The following CDH4 variants were observed in gnomAD, a reference collection of about 807,000 sequenced individuals.
The protein encoded by CDH4 is cadherin-4.
CDH4 carries 33 observed loss-of-function variants against 86.0 expected under a neutral mutation model. The observed-to-expected ratio is 0.38, with a 90% CI of 0.29 to 0.51. The LOEUF (loss-of-function observed/expected upper bound fraction) is 0.51. Among genes scored for constraint, CDH4 ranks in the 20% least tolerant of loss-of-function variants. The pLI is 0.86. For synonymous variants in CDH4, 555 were observed against 549.4 expected (o/e 1.01, Z -0.14); for missense variants, 1,114 against 1,307.4 (o/e 0.85, Z 2.28).
At chr20:61,816,936 C>A (rs938736469) in intron 4 of CDH4, among the ~76,000 whole-genome samples, 1 of 152,218 alleles carries the variant, frequency 6.6e-6, no homozygotes, top group Non-Finnish European at 1.5e-5. Flanking sequence ...CAAGTTAATT[C>A]GATATCATGG....
intron 2 of CDH4, among the ~76,000 whole-genome samples, chr20:61,656,034 TG>T (rs1361095450): frequency 6.6e-6 from 1 of 152,164 alleles, no homozygotes; most frequent in Admixed American, 6.5e-5. Context: ...CACATCACCC[TG>T]GAGGAGTGAG....
intron 2 of CDH4, among the ~76,000 whole-genome samples, chr20:61,595,458 G>A (rs1356748713): frequency 2.0e-5 from 3 of 152,240 alleles, no homozygotes; most frequent in Non-Finnish European, 4.4e-5. Context: ...AACGCTGTCC[G>A]AGAAGTCCAT....
intron 4 of CDH4, among the ~76,000 whole-genome samples, chr20:61,822,214 A>C (rs1981080356): frequency 6.6e-6 from 1 of 152,242 alleles, no homozygotes; most frequent in Non-Finnish European, 1.5e-5. Context: ...TGCATAAAAA[A>C]CATCTCGATG....
At chr20:61,779,533 C>T (rs1978426182) in intron 4 of CDH4, among the ~76,000 whole-genome samples, 1 of 152,284 alleles carries the variant, frequency 6.6e-6, no homozygotes, top group Admixed American at 6.5e-5. Flanking sequence ...CAGCCCCCTA[C>T]ACCGAACAAC....
At chr20:61,850,858 G>A (rs1982686478) in intron 5 of CDH4, among the ~76,000 whole-genome samples, 1 of 152,254 alleles carries the variant, frequency 6.6e-6, no homozygotes, top group Non-Finnish European at 1.5e-5. Context: ...TCTTTTGGGG[G>A]TGAGGCAGGG....
intron 2 of CDH4, among the ~76,000 whole-genome samples, chr20:61,511,858 A>G (rs1481574477): frequency 6.6e-6 from 1 of 152,182 alleles, no homozygotes; most frequent in Non-Finnish European, 1.5e-5. Context: ...CTAAATTGTG[A>G]AACTCATTTT....
chr20:61,801,890 C>T (rs940987208), intron 4 of CDH4, among the ~76,000 whole-genome samples: 2 of 152,370 alleles, frequency 1.3e-5, no homozygotes, highest in Middle Eastern at 3.4e-3. Flanking sequence ...TCCTTCACTC[C>T]ATCACGTCTG....
In CDH4 at chr20:61,405,264, G is replaced by A. The variant is rs891255015; in HGVS notation, c.169+150327G>A. On this transcript the variant is annotated intron_variant, in intron 2 of 15. Transcript: ENST00000614565. Reference sequence around the variant, plus strand: ...TTTTTCTCCCACGCGCCGTTCTCGGGCAGTGATTCCGTAATCCCCCTCCTG... The same window carrying A: ...TTTTTCTCCCACGCGCCGTTCTCGGACAGTGATTCCGTAATCCCCCTCCTG... Among the ~76,000 whole-genome samples, 14 of 151,494 alleles carry A rather than the reference G, an allele frequency of 9.2e-5. No homozygotes were observed. In the Middle Eastern group the frequency reaches 0.014, roughly 147 times the overall value.
At chr20:61,935,945 A>G (rs1162756993) in intron 15 of CDH4, among the ~76,000 whole-genome samples, 1 of 152,168 alleles carries the variant, frequency 6.6e-6, no homozygotes, top group African/African-American at 2.4e-5. Context: ...GGAGAAATTA[A>G]AAATGAAAAC....
At chr20:61,922,146 C>T (rs537709777) in intron 9 of CDH4, among the ~76,000 whole-genome samples, 3 of 152,292 alleles carry the variant, frequency 2.0e-5, no homozygotes, top group East Asian at 3.9e-4. Flanking sequence ...CATATTGTCT[C>T]GACAGATACT....
chr20:61,602,688 C>T (rs1199645658), intron 2 of CDH4, among the ~76,000 whole-genome samples: 4 of 85,310 alleles, frequency 4.7e-5, no homozygotes, highest in Non-Finnish European at 8.6e-5. Context: ...TATACATTCA[C>T]TTTATTAAAA....
chr20:61,284,847 C>T (rs181918468), intron 2 of CDH4, among the ~76,000 whole-genome samples: 8 of 152,302 alleles, frequency 5.3e-5, no homozygotes, highest in Admixed American at 3.9e-4. Context: ...GGCCAGATGT[C>T]GGGACCCACT....
intron 6 of CDH4, among the ~76,000 whole-genome samples, chr20:61,861,579 C>T (rs1205631700): frequency 6.6e-6 from 1 of 152,136 alleles, no homozygotes; most frequent in African/African-American, 2.4e-5. Context: ...CACAGAAAAC[C>T]CAACCACAGA....
At position 61,710,125 on chromosome 20, in the gene CDH4, G is replaced by A. The variant is rs944250; in HGVS notation, c.170-33438G>A. Among the ~76,000 whole-genome samples, 1,078 of 152,130 alleles carry A rather than the reference G, an allele frequency of 7.1e-3. 10 individuals carry two copies. The highest frequency in any genetic ancestry group is 0.025 in the African/African-American group (1,035 of 41,488). On this transcript the variant is annotated intron_variant, in intron 2 of 15. Transcript: ENST00000614565. The stretch of plus-strand genomic sequence containing the variant: ...CGAGAACCTCAAAGCCCTGCCGGGC[G>A]GGTCTGCATAGCCCTAGGCACTATC...
In CDH4 at chr20:61,307,043, C is replaced by G. The variant is rs577355284; in HGVS notation, c.169+52106C>G. 1.4e-3 allele frequency among the ~76,000 whole-genome samples: 215 copies of G among 152,288 alleles called. 4 individuals carry two copies. The highest frequency in any genetic ancestry group is 0.013 in the Admixed American group (193 of 15,306). Reference sequence around the variant, plus strand: ...AGAGCCAGTCCATAGTGAGAGTAAGCAAAGAAGTTTATTGGAAAGCAAAAG... The same window carrying G: ...AGAGCCAGTCCATAGTGAGAGTAAGGAAAGAAGTTTATTGGAAAGCAAAAG... On this transcript the variant is annotated intron_variant, in intron 2 of 15. Transcript: ENST00000614565.
intron 2 of CDH4, among the ~76,000 whole-genome samples, chr20:61,443,765 A>ATG (rs145932327): frequency 2.1e-4 from 31 of 150,632 alleles, no homozygotes; most frequent in East Asian, 3.9e-4. Context: ...TTGGCTCTGT[A>ATG]TGTGTGTGTG....
rs147820485 is a variant in CDH4 at position 61,641,107 on chromosome 20, G to A, written c.170-102456G>A. Among the ~76,000 whole-genome samples the A allele has an allele frequency of 7.9e-5, 12 of 152,302 alleles. No homozygotes were observed. In the East Asian group the frequency reaches 2.3e-3, roughly 29 times the overall value. On this transcript the variant is annotated intron_variant, in intron 2 of 15. Transcript: ENST00000614565. ...CTGTGCTGCCCTCTCAGCTGCAGGC[G>A]CTGGGCAGGGTGGGGCACAGGAAGG...
At chr20:61,886,603 G>T (rs1328845391) in intron 7 of CDH4, among the ~76,000 whole-genome samples, 1 of 152,176 alleles carries the variant, frequency 6.6e-6, no homozygotes, top group Non-Finnish European at 1.5e-5. Context: ...GTTGACGTGG[G>T]GAGCAGAGGC....
In CDH4 at chr20:61,424,242, GTATCCACACACATA is replaced by G. The variant is rs1185125409; in HGVS notation, c.169+169319_169+169332del. 2.9e-5 allele frequency among the ~76,000 whole-genome samples: 4 copies of G among 137,600 alleles called. No homozygotes were observed. In the East Asian group the frequency reaches 6.1e-4, roughly 21 times the overall value. 90.3% of individuals were successfully genotyped at this position (137,600 alleles called of 152,430 possible). On this transcript the variant is annotated intron_variant, in intron 2 of 15. Transcript: ENST00000614565. ...CACATGTATATACACATATCCACAT[GTATCCACACACATA>G]TATCCACACACATCCACATACAACA...
Sources: allele counts gnomAD v4.1 joint callset (sites outside exome capture counted in the v4.1 genomes callset), GRCh38; gene constraint gnomAD v4.1.1; transcripts MANE v1.5; gene names NCBI Gene and HGNC (gene_info 2026-07-23, HGNC 2026-07-21).